CACNA1B: variants seen among roughly 807,000 people sequenced by gnomAD.
CACNA1B encodes the protein voltage-dependent N-type calcium channel subunit alpha-1B.
In CACNA1B, 70 loss-of-function variants were observed where a neutral mutation model predicts 247.2. The observed-to-expected ratio is 0.28, with a 90% CI of 0.23 to 0.35. The LOEUF (loss-of-function observed/expected upper bound fraction) is 0.35. Among genes scored for constraint, CACNA1B ranks in the 10% least tolerant of loss-of-function variants. The probability of loss-of-function intolerance (pLI) is 1.00; values close to 1 mark genes in which losing one functional copy is unlikely to be tolerated. For synonymous variants in CACNA1B, 1,231 were observed against 1,294.4 expected, an observed-to-expected ratio of 0.95 and a Z score of 1.05; for missense variants, 2,367 against 3,197.4, an observed-to-expected ratio of 0.74 and a Z score of 6.26.
At chr9:137,940,895 G>C (rs1021426937) in intron 6 of CACNA1B, among the ~76,000 whole-genome samples, 2 of 152,040 alleles carry the variant, frequency 1.3e-5, no homozygotes, top group African/African-American at 4.8e-5. Flanking sequence ...AGCAAAATCG[G>C]CATACACAGG....
chr9:137,977,383 G>A (rs1958232676), intron 12 of CACNA1B, among the ~76,000 whole-genome samples: 1 of 103,778 alleles, frequency 9.6e-6, no homozygotes. Context: ...ACCAACTTAT[G>A]TAGGTGGGGA....
chr9:137,895,397 A>G (rs1459804333), intron 3 of CACNA1B, among the ~76,000 whole-genome samples: 1 of 152,256 alleles, frequency 6.6e-6, no homozygotes, highest in Non-Finnish European at 1.5e-5. Context: ...TATAAAAAAA[A>G]TCAGTTTCAA....
At chr9:138,013,420 A>T (rs904586798) in intron 18 of CACNA1B, among the ~76,000 whole-genome samples, 185 bp downstream of exon 18, 1 of 152,116 alleles carries the variant, frequency 6.6e-6, no homozygotes, top group Non-Finnish European at 1.5e-5. Context: ...TTTTCTCAGT[A>T]TGAGCAGGGC....
Position 138,118,643 on chromosome 9 carries a change from T to C in CACNA1B, c.5914-9T>C, listed in dbSNP as rs200369156. 2.2e-6 allele frequency: 3 copies of C among 1,361,708 alleles called. No homozygotes were observed. Among genetic ancestry groups the C allele is most frequent in the Non-Finnish European group, 3.1e-6 (3 of 973,082 alleles). 84.4% of individuals were successfully genotyped at this position (1,361,708 alleles called of 1,614,324 possible). A position where few individuals can be genotyped will look rare whatever the true frequency, so the allele number is the denominator to read the frequency against. On this transcript the variant is annotated splice_polypyrimidine_tract_variant and intron_variant, in intron 43 of 46. Coordinates refer to ENST00000371372, the MANE Select transcript of CACNA1B (RefSeq NM_000718.4). ...GTGTGGTGGGACTAGGTGAGTGCTG[T>C]ATCCACAGGCTGTGGACGTTCAGAT...
intron 26 of CACNA1B, among the ~76,000 whole-genome samples, chr9:138,056,804 C>T (rs1346507486): frequency 2.0e-5 from 3 of 151,998 alleles, no homozygotes; most frequent in Admixed American, 6.6e-5. Context: ...AGTGGTGTCT[C>T]GTGGTGGTTT....
chr9:138,092,329 C>T lies in CACNA1B; in HGVS notation c.5095-4155C>T, dbSNP rs182048623. 5.1e-4 allele frequency among the ~76,000 whole-genome samples: 78 copies of T among 152,322 alleles called. 1 individual carries two copies. The highest frequency in any genetic ancestry group is 1.8e-3 in the Admixed American group (27 of 15,306). On this transcript the variant is annotated intron_variant, in intron 36 of 46. Coordinates refer to ENST00000371372, the MANE Select transcript of CACNA1B (RefSeq NM_000718.4). The stretch of plus-strand genomic sequence containing the variant: ...AGGCACACAATCCCAGAGCAGCAGT[C>T]TGTAGGCCTACCCCTGGGAATGCAT...
At chr9:138,076,564 C>T (rs1960327407) in intron 35 of CACNA1B, among the ~76,000 whole-genome samples, 2 of 152,176 alleles carry the variant, frequency 1.3e-5, no homozygotes, top group Non-Finnish European at 2.9e-5. Context: ...TCTGAGATCT[C>T]CTGGTGGAGA....
chr9:137,936,916 C>T (rs112394627), intron 6 of CACNA1B, among the ~76,000 whole-genome samples: 1,559 of 152,270 alleles, frequency 0.01, 9 homozygotes, highest in East Asian at 0.013. Flanking sequence ...GGTAGCGTGA[C>T]GCTTCCAGCT....
intron 36 of CACNA1B, 39 bp from the exon 37 acceptor site, chr9:138,096,445 G>A (rs1961058938): frequency 6.3e-7 from 1 of 1,598,338 alleles, no homozygotes; most frequent in Non-Finnish European, 8.6e-7. Context: ...GGCAGGCTGA[G>A]GTCTCTCTCC....
intron 32 of CACNA1B, among the ~76,000 whole-genome samples, chr9:138,070,562 T>C (rs1291055390): frequency 1.3e-5 from 2 of 152,260 alleles, no homozygotes; most frequent in African/African-American, 2.4e-5. Context: ...TGGAAATTAA[T>C]ATAAAGTAGA....
intron 20 of CACNA1B, among the ~76,000 whole-genome samples, chr9:138,041,017 C>T (rs1450895861): frequency 2.0e-5 from 3 of 152,170 alleles, no homozygotes; most frequent in Non-Finnish European, 2.9e-5. Flanking sequence ...AATCCTTTCT[C>T]TTGGGATATC....
chr9:137,938,043 A>G (rs1292394889), intron 6 of CACNA1B, among the ~76,000 whole-genome samples: 1 of 151,172 alleles, frequency 6.6e-6, no homozygotes. Flanking sequence ...AGGAAAATCT[A>G]TGAAATTAAC....
chr9:137,915,177 T>C (rs1345504141), intron 5 of CACNA1B, among the ~76,000 whole-genome samples: 2 of 152,094 alleles, frequency 1.3e-5, no homozygotes, highest in Non-Finnish European at 2.9e-5. Flanking sequence ...CCAGTAGTAG[T>C]AGTAGTAGGT....
intron 43 of CACNA1B, 135 bp from the exon 44 acceptor site, chr9:138,118,517 A>T: frequency 3.4e-6 from 2 of 583,804 alleles, no homozygotes; most frequent in South Asian, 4.2e-5. Context: ...GGGACGTGTG[A>T]ACAGCAGTGG....
At chr9:137,912,400 T>C (rs897854959) in intron 3 of CACNA1B, among the ~76,000 whole-genome samples, 5 of 152,108 alleles carry the variant, frequency 3.3e-5, no homozygotes, top group African/African-American at 1.2e-4. Context: ...ACCGTTAGAA[T>C]TGGCAAGAGG....
chr9:137,892,674 C>T (rs1588985930), intron 3 of CACNA1B: 1 of 329,482 alleles, frequency 3.0e-6, no homozygotes, highest in South Asian at 2.4e-5. Context: ...AGGGCAGCCT[C>T]CCGTCCAAGG....
chr9:138,051,568 C>G lies in CACNA1B; in HGVS notation c.3711-524C>G, dbSNP rs1959281170. ...ACTTTTTCTCTTTCTTACTCTCCTT[C>G]CCCTCTTCTGTCTTCCCGCTGTCGG... On this transcript the variant is annotated intron_variant, in intron 24 of 46. Transcript: ENST00000371372. The surrounding 1 kb of genome is among the most constrained non-coding windows in gnomAD (Gnocchi z 4.3). 6.7e-6 allele frequency among the ~76,000 whole-genome samples: 1 copy of G among 149,254 alleles called. No homozygotes were observed. The highest frequency in any genetic ancestry group is 6.7e-5 in the Admixed American group (1 of 14,886).
chr9:137,927,039 C>A (rs1178303034), intron 6 of CACNA1B, among the ~76,000 whole-genome samples: 2 of 152,124 alleles, frequency 1.3e-5, no homozygotes, highest in Non-Finnish European at 2.9e-5. Flanking sequence ...AATTTTCATG[C>A]AGTCTAGTTT....
rs1053595769 is a variant in CACNA1B, at chr9:137,952,938, C to T, written c.1070+561C>T. ...AGCAGTCACCACTGGGCTCGCCACC[C>T]TGGCCCTGACTGCTGGTGTCCACTT... On this transcript the variant is annotated intron_variant, in intron 7 of 46. Transcript: ENST00000371372. The surrounding 1 kb of genome is among the most constrained non-coding windows in gnomAD (Gnocchi z 4.8). Among the ~76,000 whole-genome samples, 7 of 152,166 alleles carry T rather than the reference C, an allele frequency of 4.6e-5. No individual in the cohort carries two copies. Among genetic ancestry groups the T allele is most frequent in the African/African-American group, 1.2e-4 (5 of 41,426 alleles).
Sources: allele counts gnomAD v4.1 joint callset (sites outside exome capture counted in the v4.1 genomes callset), GRCh38; gene constraint gnomAD v4.1.1; non-coding constraint Gnocchi (gnomAD v3.1); transcripts MANE v1.5; gene names NCBI Gene and HGNC (gene_info 2026-07-23, HGNC 2026-07-21).